Variants in SBK1 observed in about 807,000 individuals in gnomAD.
SBK1 encodes the protein serine/threonine-protein kinase SBK1.
Under a neutral mutation model 24.4 loss-of-function variants are expected in SBK1, and 11 were observed. The observed-to-expected ratio is 0.45, with a 90% confidence interval of 0.28 to 0.75. The LOEUF is 0.75. Ranked by LOEUF, SBK1 falls within the 30% of genes least tolerant of loss-of-function variation. The pLI is 0.12. For synonymous variants in SBK1, 308 were observed against 284.4 expected (o/e 1.08, Z -0.83); for missense variants, 467 against 620.5 (o/e 0.75, Z 2.63).
chr16:28,304,346 T>C (rs963645651), intron 1 of SBK1, among the ~76,000 whole-genome samples: 1 of 152,078 alleles, frequency 6.6e-6, no homozygotes, highest in African/African-American at 2.4e-5. Flanking sequence ...CCTGTGGTGC[T>C]GAAGACACTG....
intron 1 of SBK1, among the ~76,000 whole-genome samples, chr16:28,267,617 C>G: frequency 6.6e-6 from 1 of 152,180 alleles, no homozygotes; most frequent in East Asian, 1.9e-4. Flanking sequence ...GAGAAAATAG[C>G]AACACCATTT....
chr16:28,259,070 G>C (rs527426710), upstream of SBK1: 40 of 152,606 alleles, frequency 2.6e-4, no homozygotes, highest in African/African-American at 9.4e-4. The surrounding 1 kb of genome is among the most constrained non-coding windows in gnomAD (Gnocchi z 6.0). Context: ...GGGGCAGTTG[G>C]GGGGGCACTC....
At chr16:28,312,208 G>C (rs2044758846) in intron 1 of SBK1, among the ~76,000 whole-genome samples, 1 of 152,188 alleles carries the variant, frequency 6.6e-6, no homozygotes, top group African/African-American at 2.4e-5. Context: ...GCCCCTGGGG[G>C]ACAGCCCCAC....
At chr16:28,308,011 C>G (rs2044728803) in intron 1 of SBK1, among the ~76,000 whole-genome samples, 2 of 152,170 alleles carry the variant, frequency 1.3e-5, no homozygotes, top group African/African-American at 4.8e-5. Flanking sequence ...AACAAGCCGT[C>G]TTCTCTTTAC....
chr16:28,294,357 G>T (rs1279246035), intron 1 of SBK1, among the ~76,000 whole-genome samples: 2 of 152,220 alleles, frequency 1.3e-5, no homozygotes, highest in African/African-American at 4.8e-5. Context: ...GCCTTCTGCA[G>T]ACAAGCAGTG....
rs1336976835 is a variant in SBK1 at position 28,320,267 on chromosome 16, C to T, written c.621C>T (p.Arg207=). The T allele has an allele frequency of 6.3e-6, 10 of 1,590,218 alleles. No homozygotes were observed. Among genetic ancestry groups the T allele is most frequent in the Admixed American group, 1.7e-5 (1 of 59,058 alleles). Reference sequence around the variant, plus strand: ...GCCGCGTGGGCTGCCGCGTCAAGCGCGTGAGCGGCACCATCCCTTACACGG... The same window carrying T: ...GCCGCGTGGGCTGCCGCGTCAAGCGTGTGAGCGGCACCATCCCTTACACGG... The part of the protein sequence containing the change: ...MTRRVGCRVK[R]VSGTIPYTAP... The change falls in exon 4 of 4, where the codon CGC becomes CGT. Residue 207 remains arginine (R), a synonymous_variant. Transcript: ENST00000341901. This position sits in a 1 kb window ranked among gnomAD's most constrained non-coding sequence, Gnocchi z 8.5.
intron 1 of SBK1, among the ~76,000 whole-genome samples, chr16:28,298,380 G>A (rs1364673147): frequency 2.0e-5 from 3 of 152,204 alleles, no homozygotes; most frequent in Non-Finnish European, 4.4e-5. Flanking sequence ...ACAGCACCAC[G>A]TTAACCCCAG....
chr16:28,280,149 A>ATATATATATATGTGTGTGTGTGTG (rs1230385223), intron 1 of SBK1, among the ~76,000 whole-genome samples: 3 of 39,414 alleles, frequency 7.6e-5, no homozygotes, highest in South Asian at 8.4e-4. Flanking sequence ...ATATATATAT[A>ATATATATATATGTGTGTGTGTGTG]TGTGTGTGTG....
upstream of SBK1, chr16:28,290,964 G>C (rs2044594833): frequency 6.6e-6 from 1 of 152,184 alleles, no homozygotes; most frequent in African/African-American, 2.4e-5. Context: ...ATATCATCCA[G>C]CCACGCACAG....
At chr16:28,265,056 G>A (rs2044419921) in intron 1 of SBK1, among the ~76,000 whole-genome samples, 1 of 151,916 alleles carries the variant, frequency 6.6e-6, no homozygotes, top group Non-Finnish European at 1.5e-5. Context: ...AGGATTGCTT[G>A]AACCCAGGAT....
At chr16:28,292,443 G>T (rs1167125204), upstream of SBK1, 5 of 758,650 alleles carry the variant, frequency 6.6e-6, no homozygotes, top group Non-Finnish European at 8.0e-6. Flanking sequence ...GACGGACAAA[G>T]GGGCGGGCGG....
intron 1 of SBK1, chr16:28,286,352 CA>C (rs1393066549): frequency 5.3e-5 from 8 of 152,324 alleles, no homozygotes; most frequent in African/African-American, 1.9e-4. Context: ...CCAACCTGGG[CA>C]ATAGAGCGAG....
rs2044820973 is a variant in SBK1 at position 28,319,265 on chromosome 16, G to C, written c.429+68G>C. ...GTCCCAGAGTGTGAGAGTGGGAGTG[G>C]AGTCAGACCATTTAATTAACAAGTA... On this transcript the variant is annotated intron_variant, in intron 3 of 3. Transcript: ENST00000341901. The surrounding 1 kb of genome is among the most constrained non-coding windows in gnomAD (Gnocchi z 4.0). 8.3e-7 allele frequency: 1 copy of C among 1,203,884 alleles called. No homozygotes were observed. Among genetic ancestry groups the C allele is most frequent in the Non-Finnish European group, 1.2e-6 (1 of 814,522 alleles). 74.6% of individuals were successfully genotyped at this position (1,203,884 alleles called of 1,614,324 possible).
rs139055518 is a variant in SBK1 at position 28,305,559 on chromosome 16, A to T, written c.-7-11826A>T. On this transcript the variant is annotated intron_variant, in intron 1 of 3. Coordinates refer to ENST00000341901, the MANE Select transcript of SBK1 (RefSeq NM_001024401.3). ...TTTCTTTTTTTTTTTTTTTAGAGAG[A>T]CTTTCTCTGTCGTCCAGGCTGGAGT... Among the ~76,000 whole-genome samples the T allele has an allele frequency of 9.9e-3, 1,256 of 126,816 alleles. 18 individuals carry two copies. Among genetic ancestry groups the T allele is most frequent in the African/African-American group, 0.036 (1,197 of 33,180 alleles). The allele number at this position is 126,816 out of a possible 152,430, so 83.2% of individuals were successfully genotyped here. A position where few individuals can be genotyped will look rare whatever the true frequency, so the allele number is the denominator to read the frequency against.
intron 1 of SBK1, among the ~76,000 whole-genome samples, chr16:28,301,764 C>G (rs999034964): frequency 2.0e-5 from 3 of 152,236 alleles, no homozygotes; most frequent in African/African-American, 7.2e-5. Flanking sequence ...CTCTGACCAG[C>G]AACTTCTTAC....
intron 1 of SBK1, among the ~76,000 whole-genome samples, chr16:28,315,472 T>G (rs549164299): frequency 2.0e-5 from 3 of 152,110 alleles, no homozygotes; most frequent in African/African-American, 4.8e-5. Flanking sequence ...ACATGACAAG[T>G]CAGGTCTTAG....
chr16:28,279,346 G>T (rs561361878), intron 1 of SBK1, among the ~76,000 whole-genome samples: 1 of 143,568 alleles, frequency 7.0e-6, no homozygotes, highest in African/African-American at 2.6e-5. Context: ...CTGCAGTGAG[G>T]TATGATTGCA....
chr16:28,298,869 A>C (rs1378268377), intron 1 of SBK1, among the ~76,000 whole-genome samples: 1 of 152,238 alleles, frequency 6.6e-6, no homozygotes, highest in Non-Finnish European at 1.5e-5. Context: ...ATCTGGGCCC[A>C]GAGAGGCTGT....
At chr16:28,280,290 TA>T (rs1311575317) in intron 1 of SBK1, among the ~76,000 whole-genome samples, 1 of 143,176 alleles carries the variant, frequency 7.0e-6, no homozygotes, top group African/African-American at 2.5e-5. Flanking sequence ...TATGTATACA[TA>T]TATATGCACA....
Sources: allele counts gnomAD v4.1 joint callset (sites outside exome capture counted in the v4.1 genomes callset), GRCh38; gene constraint gnomAD v4.1.1; non-coding constraint Gnocchi (gnomAD v3.1); transcripts MANE v1.5; gene names NCBI Gene and HGNC (gene_info 2026-07-23, HGNC 2026-07-21).